ANO10: variants seen among roughly 807,000 people sequenced by gnomAD.
The protein encoded by ANO10 is anoctamin 10, also known as anoctamin-10.
ANO10 carries 77 observed loss-of-function variants against 74.7 expected under a neutral mutation model. The observed-to-expected ratio is 1.03, with a 90% CI of 0.86 to 1.25. The LOEUF is 1.25. ANO10 is among the 50% of genes most tolerant of loss of function. The pLI, the probability that ANO10 is intolerant of heterozygous loss-of-function variation, is 0.00. For synonymous variants in ANO10, 279 were observed against 284.9 expected, an observed-to-expected ratio of 0.98 and a Z score of 0.21; for missense variants, 721 against 778.1, an observed-to-expected ratio of 0.93 and a Z score of 0.87.
rs1310922876 is a variant in ANO10, at chr3:43,576,711, G to C, written c.1143C>G (p.Ala381=). ...EIMNRLYRYA[A]EFLTSWENHR... ...TCTTACCCCATGAAGTTAAAAACTCGGCAGCATATCGATAGAGACGATTCA... is the reference window on the plus strand; with the variant it reads ...TCTTACCCCATGAAGTTAAAAACTCCGCAGCATATCGATAGAGACGATTCA... Residue 381 remains alanine, a synonymous_variant, in exon 6 of 13, where the codon GCC becomes GCG. Coordinates refer to ENST00000292246, the MANE Select transcript of ANO10 (RefSeq NM_018075.5). The C allele has an allele frequency of 1.7e-5, 27 of 1,613,920 alleles. No individual in the cohort carries two copies. Among genetic ancestry groups the C allele is most frequent in the Non-Finnish European group, 2.3e-5 (27 of 1,180,034 alleles).
intron 12 of ANO10, among the ~76,000 whole-genome samples, chr3:43,400,016 G>A (rs927310676): frequency 6.6e-6 from 1 of 152,108 alleles, no homozygotes; most frequent in Non-Finnish European, 1.5e-5. Flanking sequence ...TCTCCCAACA[G>A]CTGGCTGTAT....
At chr3:43,468,122 CT>C (rs1472912867) in intron 11 of ANO10, among the ~76,000 whole-genome samples, 2 of 152,120 alleles carry the variant, frequency 1.3e-5, no homozygotes, top group African/African-American at 2.4e-5. Context: ...AATTACTTTC[CT>C]GCTTTGGCCA....
chr3:43,564,262 G>A (rs1341341187), intron 8 of ANO10, among the ~76,000 whole-genome samples: 3 of 152,124 alleles, frequency 2.0e-5, no homozygotes, highest in African/African-American at 7.2e-5. Context: ...TTGAACTCCT[G>A]GGCTCAAGCA....
chr3:43,394,717 C>A (rs957323835), intron 12 of ANO10, among the ~76,000 whole-genome samples: 1 of 152,176 alleles, frequency 6.6e-6, no homozygotes, highest in Admixed American at 6.5e-5. Context: ...GAGAAGGCCA[C>A]CTTGAGCTGC....
At chr3:43,502,840 G>A (rs1425759270) in intron 11 of ANO10, among the ~76,000 whole-genome samples, 1 of 152,140 alleles carries the variant, frequency 6.6e-6, no homozygotes, top group Non-Finnish European at 1.5e-5. Context: ...AAAAAGACAA[G>A]TACTATATGA....
At chr3:43,593,638 C>G (rs922663277) in intron 4 of ANO10, among the ~76,000 whole-genome samples, 1 of 151,810 alleles carries the variant, frequency 6.6e-6, no homozygotes. Flanking sequence ...ACAACCGGTA[C>G]CAGCCACTGC....
intron 11 of ANO10, among the ~76,000 whole-genome samples, chr3:43,491,233 C>A (rs1192741455): frequency 6.6e-6 from 1 of 152,136 alleles, no homozygotes; most frequent in Admixed American, 6.6e-5. Flanking sequence ...CTAAGTCAGG[C>A]CAGACACAGT....
chr3:43,415,163 A>G (rs915892927), intron 12 of ANO10, among the ~76,000 whole-genome samples: 3 of 151,410 alleles, frequency 2.0e-5, no homozygotes, highest in African/African-American at 7.3e-5. Flanking sequence ...TTTTAGTGGA[A>G]ATGGGGTTTC....
chr3:43,534,978 CT>C (rs576349934), intron 11 of ANO10, among the ~76,000 whole-genome samples: 5,220 of 143,886 alleles, frequency 0.036, 252 homozygotes, highest in African/African-American at 0.12. Context: ...AGATTTTTTT[CT>C]TTTTTTTTTT....
At chr3:43,621,797 G>C (rs1454788503) in intron 1 of ANO10, 112 bp downstream of exon 1, 1 of 152,940 alleles carries the variant, frequency 6.5e-6, no homozygotes, top group Non-Finnish European at 1.5e-5. Context: ...GGAACGCAGG[G>C]CGGCGACCAG....
chr3:43,496,220 A>C (rs188026969), intron 11 of ANO10, among the ~76,000 whole-genome samples: 4 of 152,278 alleles, frequency 2.6e-5, no homozygotes. Flanking sequence ...AAATATCGGA[A>C]AACAATCAGA....
chr3:43,541,455 C>T (rs924998854), intron 11 of ANO10, among the ~76,000 whole-genome samples: 1 of 152,168 alleles, frequency 6.6e-6, no homozygotes, highest in Non-Finnish European at 1.5e-5. Context: ...TTCTCAACCA[C>T]TATACCATAC....
At chr3:43,429,412 T>TATAG (rs2092948058) in intron 12 of ANO10, among the ~76,000 whole-genome samples, 1 of 152,128 alleles carries the variant, frequency 6.6e-6, no homozygotes, top group Non-Finnish European at 1.5e-5. Flanking sequence ...AAATTTACTG[T>TATAG]ATAGATATAC....
intron 1 of ANO10, among the ~76,000 whole-genome samples, chr3:43,665,466 T>C (rs1173533659): frequency 6.6e-6 from 1 of 152,122 alleles, no homozygotes; most frequent in Admixed American, 6.5e-5. Flanking sequence ...GGCACGTGTA[T>C]ACCTATGTAA....
At position 43,405,323 on chromosome 3, in the gene ANO10, T is replaced by A. The variant is rs574833845; in HGVS notation, c.1914+27288A>T. The stretch of plus-strand genomic sequence containing the variant: ...CTTAATTAGAGGAAGGACCCATGGA[T>A]TCCTAAAGCAGTCCACGGGGAGGAG... On this transcript the variant is annotated intron_variant, in intron 12 of 12. Transcript: ENST00000292246. Among the ~76,000 whole-genome samples, 7 of 152,278 alleles carry A rather than the reference T, an allele frequency of 4.6e-5. No individual in the cohort carries two copies. In the East Asian group the frequency reaches 1.3e-3, roughly 29 times the overall value.
At chr3:43,377,682 A>AG (rs982052758) in intron 12 of ANO10, among the ~76,000 whole-genome samples, 1 of 152,210 alleles carries the variant, frequency 6.6e-6, no homozygotes, top group Non-Finnish European at 1.5e-5. Context: ...GCTCAGGTTC[A>AG]GGCCAGAAGA....
chr3:43,389,378 T>G (rs2092215008), intron 12 of ANO10, among the ~76,000 whole-genome samples: 1 of 152,250 alleles, frequency 6.6e-6, no homozygotes, highest in Admixed American at 6.5e-5. Context: ...GACCTCCAAG[T>G]CATTTTGTTA....
At chr3:43,404,438 C>T (rs1306717839) in intron 12 of ANO10, among the ~76,000 whole-genome samples, 1 of 152,174 alleles carries the variant, frequency 6.6e-6, no homozygotes, top group Non-Finnish European at 1.5e-5. Context: ...AAAGCCCCAG[C>T]TGACATCTTA....
chr3:43,642,676 C>A (rs1019742862), intron 1 of ANO10, among the ~76,000 whole-genome samples: 2 of 152,022 alleles, frequency 1.3e-5, no homozygotes, highest in African/African-American at 4.8e-5. Flanking sequence ...CACTTCATTC[C>A]CCCCACCTCC....
Sources: gnomAD v4.1 joint callset for allele counts (sites outside exome capture counted in the v4.1 genomes callset) on GRCh38, gnomAD v4.1.1 for gene constraint, MANE v1.5 for transcripts, NCBI Gene and HGNC (gene_info 2026-07-23, HGNC 2026-07-21) for gene names.